Variants in LARGE1 observed in about 807,000 individuals in gnomAD.
LARGE1 encodes the protein xylosyl- and glucuronyltransferase LARGE1.
LARGE1 carries 43 observed loss-of-function variants against 87.6 expected under a neutral mutation model. The ratio of observed to expected loss-of-function variants is 0.49; its 90% CI spans 0.38 to 0.63. The LOEUF is 0.63. Among genes scored for constraint, LARGE1 ranks in the 30% least tolerant of loss-of-function variants. The pLI, the probability that LARGE1 is intolerant of heterozygous loss-of-function variation, is 0.00. For synonymous variants in LARGE1, 434 were observed against 394.6 expected (o/e 1.10, Z -1.18); for missense variants, 802 against 1,000.2 (o/e 0.80, Z 2.67).
At chr22:33,766,913 C>CATATATATATATAT (rs34406131) in intron 1 of LARGE1, among the ~76,000 whole-genome samples, 14 of 111,782 alleles carry the variant, frequency 1.3e-4, no homozygotes, top group Non-Finnish European at 2.2e-4. Flanking sequence ...TAAACATATA[C>CATATATATATATAT]ATATATATAT....
intron 6 of LARGE1, among the ~76,000 whole-genome samples, chr22:33,519,524 C>A (rs769808138): frequency 6.6e-6 from 1 of 152,070 alleles, no homozygotes; most frequent in African/African-American, 2.4e-5. Flanking sequence ...CACTGGCTCC[C>A]GAAGACACCC....
chr22:33,242,128 A>C (rs1926552854), intron 11 of LARGE1, among the ~76,000 whole-genome samples: 3 of 152,160 alleles, frequency 2.0e-5, no homozygotes, highest in African/African-American at 7.2e-5. Context: ...TATTTAAAAT[A>C]TTATTTTTTC....
the LARGE1 span, among the ~76,000 whole-genome samples, chr22:33,130,002 C>T: frequency 6.6e-6 from 1 of 152,094 alleles, no homozygotes; most frequent in South Asian, 2.1e-4. Flanking sequence ...ATTATTTTTG[C>T]AACTTCTATT....
the LARGE1 span, among the ~76,000 whole-genome samples, chr22:33,119,826 C>G: frequency 6.6e-6 from 1 of 152,090 alleles, no homozygotes; most frequent in Admixed American, 6.6e-5. Flanking sequence ...AATGCAGTGA[C>G]CTGTAATGCT....
intron 1 of LARGE1, among the ~76,000 whole-genome samples, chr22:33,871,982 C>CAAAAAAAAAA (rs58105742): frequency 1.3e-3 from 110 of 86,674 alleles, no homozygotes; most frequent in South Asian, 1.7e-3. Context: ...TCTAAATCAG[C>CAAAAAAAAAA]AAAAAAAAAA....
intron 11 of LARGE1, among the ~76,000 whole-genome samples, chr22:33,311,349 G>A (rs1027860364): frequency 1.3e-5 from 2 of 152,278 alleles, no homozygotes; most frequent in East Asian, 3.9e-4. Context: ...GGTTTTGTCT[G>A]TATTCTCTTC....
chr22:33,780,720 T>C (rs184118769), intron 1 of LARGE1, among the ~76,000 whole-genome samples: 118 of 152,378 alleles, frequency 7.7e-4, no homozygotes, highest in Middle Eastern at 3.4e-3. Context: ...ATCCCTCCTC[T>C]GCAGCAGTGC....
intron 11 of LARGE1, among the ~76,000 whole-genome samples, chr22:33,168,380 A>G (rs1288812409): frequency 6.6e-6 from 1 of 152,214 alleles, no homozygotes; most frequent in Admixed American, 6.5e-5. Context: ...GCTACCTCCT[A>G]CCCTGACTTC....
At chr22:33,791,494 T>C (rs1189507412) in intron 1 of LARGE1, among the ~76,000 whole-genome samples, 2 of 152,224 alleles carry the variant, frequency 1.3e-5, no homozygotes, top group Non-Finnish European at 2.9e-5. Flanking sequence ...CTTAGAACAT[T>C]TTCCACAAAA....
intron 6 of LARGE1, among the ~76,000 whole-genome samples, chr22:33,551,007 G>C (rs1042045775): frequency 6.6e-6 from 1 of 152,078 alleles, no homozygotes; most frequent in African/African-American, 2.4e-5. Flanking sequence ...GTGTACACAT[G>C]GATGTAGAGA....
At chr22:33,677,861 T>A (rs1264572881) in intron 2 of LARGE1, among the ~76,000 whole-genome samples, 6 of 152,204 alleles carry the variant, frequency 3.9e-5, no homozygotes, top group African/African-American at 1.2e-4. Context: ...ATAGGTACAA[T>A]CTTAGTCCAG....
chr22:33,844,073 C>A (rs781698557), intron 1 of LARGE1, among the ~76,000 whole-genome samples: 32 of 117,412 alleles, frequency 2.7e-4, no homozygotes, highest in Non-Finnish European at 4.0e-4. Context: ...AAGTGAAACT[C>A]CGTCTCAAAA....
intron 5 of LARGE1, among the ~76,000 whole-genome samples, chr22:33,603,218 C>G (rs2079158291): frequency 1.3e-5 from 2 of 152,166 alleles, no homozygotes; most frequent in African/African-American, 4.8e-5. Context: ...ATTAAAAATG[C>G]TATGGCTCTA....
chr22:33,813,944 C>T (rs1345201446), intron 1 of LARGE1, among the ~76,000 whole-genome samples: 1 of 151,504 alleles, frequency 6.6e-6, no homozygotes, highest in Non-Finnish European at 1.5e-5. Context: ...AGAGATACTC[C>T]ACACTCTTGC....
chr22:33,408,050 G>C (rs529630839), intron 7 of LARGE1, among the ~76,000 whole-genome samples: 2 of 150,116 alleles, frequency 1.3e-5, no homozygotes, highest in Admixed American at 1.3e-4. Flanking sequence ...GCACGATCTC[G>C]GCTCACTGCA....
intron 1 of LARGE1, among the ~76,000 whole-genome samples, chr22:33,860,252 A>G (rs763620421): frequency 1.1e-3 from 161 of 152,202 alleles, no homozygotes; most frequent in Non-Finnish European, 1.8e-3. Flanking sequence ...TCAGCTTCCC[A>G]AAGTGTTAGG....
At chr22:33,521,404 G>C (rs887937665) in intron 6 of LARGE1, among the ~76,000 whole-genome samples, 1 of 152,204 alleles carries the variant, frequency 6.6e-6, no homozygotes, top group African/African-American at 2.4e-5. Context: ...CTCAGATGAT[G>C]GGGCCTCTCT....
chr22:33,118,363 G>T, the LARGE1 span, among the ~76,000 whole-genome samples: 1 of 150,574 alleles, frequency 6.6e-6, no homozygotes, highest in Non-Finnish European at 1.5e-5. Context: ...ATGGTGGAAT[G>T]CACCTGCAGA....
intron 6 of LARGE1, among the ~76,000 whole-genome samples, chr22:33,477,330 T>C (rs1247374857): frequency 6.6e-6 from 1 of 152,216 alleles, no homozygotes; most frequent in Non-Finnish European, 1.5e-5. Flanking sequence ...AATTTTTCAA[T>C]CTCTAAAGAA....
Sources: gnomAD v4.1 joint callset for allele counts (sites outside exome capture counted in the v4.1 genomes callset) on GRCh38, gnomAD v4.1.1 for gene constraint, MANE v1.5 for transcripts, NCBI Gene and HGNC (gene_info 2026-07-23, HGNC 2026-07-21) for gene names.